Variants in ASB4 observed in about 807,000 individuals in gnomAD.
The protein encoded by ASB4 is ankyrin repeat and SOCS box containing 4.
A neutral mutation model predicts 38.6 loss-of-function variants in ASB4; 35 were observed. The observed-to-expected ratio is 0.91, with a 90% CI of 0.69 to 1.20. ASB4 has a LOEUF of 1.20. Ranked by LOEUF, ASB4 falls within the 50% of genes most tolerant of loss-of-function variation. The pLI, the probability that ASB4 is intolerant of heterozygous loss-of-function variation, is 0.00. For synonymous variants in ASB4, 195 were observed against 201.3 expected (o/e 0.97, Z 0.26); for missense variants, 557 against 527.2 (o/e 1.06, Z -0.55).
At chr7:95,515,810 G>C (rs1468945637) in intron 2 of ASB4, among the ~76,000 whole-genome samples, 1 of 152,214 alleles carries the variant, frequency 6.6e-6, no homozygotes. Flanking sequence ...GATGCTGGCT[G>C]CTCCAGAGAT....
chr7:95,528,769 T>A, intron 3 of ASB4: 1 of 875,692 alleles, frequency 1.1e-6, no homozygotes, highest in South Asian at 5.0e-5. Flanking sequence ...TTATATTTAT[T>A]ATGTATAATA....
intron 2 of ASB4, among the ~76,000 whole-genome samples, chr7:95,497,848 G>A (rs770087204): frequency 2.0e-5 from 3 of 152,114 alleles, no homozygotes; most frequent in African/African-American, 4.8e-5. Context: ...CCATATGGTT[G>A]CATGGACCAA....
the ASB4 span, among the ~76,000 whole-genome samples, chr7:95,547,708 T>C: frequency 2.0e-5 from 3 of 152,218 alleles, no homozygotes; most frequent in African/African-American, 7.2e-5. Flanking sequence ...TTTAAGTTAA[T>C]AGGTTTTGAG....
upstream of ASB4, among the ~76,000 whole-genome samples, chr7:95,477,736 T>A (rs972846610): frequency 2.4e-5 from 1 of 40,918 alleles, no homozygotes; most frequent in Non-Finnish European, 6.2e-5. Context: ...AACAAGAACC[T>A]TTTTTTTTTT....
chr7:95,500,985 C>T (rs1234750778), intron 2 of ASB4, among the ~76,000 whole-genome samples: 1 of 152,190 alleles, frequency 6.6e-6, no homozygotes, highest in Non-Finnish European at 1.5e-5. Context: ...CCACTCTTCA[C>T]ATTTACTCAT....
chr7:95,524,093 A>G (rs1444090165), intron 2 of ASB4, among the ~76,000 whole-genome samples: 1 of 152,210 alleles, frequency 6.6e-6, no homozygotes, highest in East Asian at 1.9e-4. Flanking sequence ...ATGAAGTTGA[A>G]GATATGCATA....
intron 2 of ASB4, among the ~76,000 whole-genome samples, chr7:95,503,531 G>A (rs1237963487): frequency 1.3e-5 from 2 of 152,308 alleles, no homozygotes; most frequent in African/African-American, 2.4e-5. Flanking sequence ...TGTGGTTCAT[G>A]GTTAATGAAA....
At chr7:95,485,738 C>T (rs1041762066), upstream of ASB4, among the ~76,000 whole-genome samples, 1 of 152,128 alleles carries the variant, frequency 6.6e-6, no homozygotes, top group South Asian at 2.1e-4. Context: ...CATATTGACA[C>T]TATATATTAC....
chr7:95,518,565 C>G (rs1404392969), intron 2 of ASB4, among the ~76,000 whole-genome samples: 1 of 152,130 alleles, frequency 6.6e-6, no homozygotes, highest in African/African-American at 2.4e-5. Context: ...CTGACTAAAT[C>G]CTAACCTAAG....
At chr7:95,520,511 T>C (rs1291900921) in intron 2 of ASB4, among the ~76,000 whole-genome samples, 1 of 152,222 alleles carries the variant, frequency 6.6e-6, no homozygotes, top group Admixed American at 6.5e-5. Flanking sequence ...TCTGGAACCA[T>C]AGTGACTGAA....
upstream of ASB4, among the ~76,000 whole-genome samples, chr7:95,477,249 A>G (rs1209905704): frequency 3.3e-5 from 5 of 152,144 alleles, no homozygotes; most frequent in Non-Finnish European, 7.3e-5. Context: ...CTCTCTAGAA[A>G]AACGTTTGTG....
In ASB4 at chr7:95,531,326, A is replaced by T. The variant is rs560205669; in HGVS notation, c.978+3023A>T. ...GACGTTAGCTCTAGAAGACAAAAAC[A>T]TCTACCTCTGTAATACAGCTCACTT... On this transcript the variant is annotated intron_variant, in intron 3 of 4. Coordinates refer to ENST00000325885, the MANE Select transcript of ASB4 (RefSeq NM_016116.3). Among the ~76,000 whole-genome samples, 3 of 152,210 alleles carry T rather than the reference A, an allele frequency of 2.0e-5. No homozygotes were observed. The East Asian group carries it at 5.8e-4, about 29-fold the overall frequency.
intron 2 of ASB4, among the ~76,000 whole-genome samples, chr7:95,503,085 A>G (rs17703998): frequency 0.18 from 27,109 of 152,226 alleles, 2,885 homozygotes; most frequent in Middle Eastern, 0.32. Flanking sequence ...TGCATATCAA[A>G]ATAATATTTA....
At chr7:95,503,726 A>G (rs968528836) in intron 2 of ASB4, among the ~76,000 whole-genome samples, 9 of 152,244 alleles carry the variant, frequency 5.9e-5, no homozygotes, top group African/African-American at 2.2e-4. Flanking sequence ...CATTAAGCTC[A>G]GGACCACAGA....
At chr7:95,515,163 CTTTCTCTT>C (rs1406186605) in intron 2 of ASB4, among the ~76,000 whole-genome samples, 25 of 129,836 alleles carry the variant, frequency 1.9e-4, no homozygotes, top group Middle Eastern at 4.2e-3. Flanking sequence ...CTTTCTTTCT[CTTTCTCTT>C]TCTTTCTTTC....
chr7:95,528,825 T>G, intron 3 of ASB4: 1 of 454,726 alleles, frequency 2.2e-6, no homozygotes, highest in Non-Finnish European at 2.9e-6. Context: ...CATTTAATTC[T>G]TACAACAATC....
intron 2 of ASB4, among the ~76,000 whole-genome samples, chr7:95,502,399 G>C (rs903006181): frequency 1.3e-4 from 19 of 150,148 alleles, no homozygotes; most frequent in African/African-American, 3.9e-4. Context: ...TGCGGGGGGG[G>C]GGCAAATTGA....
chr7:95,499,947 C>T (rs910819215), intron 2 of ASB4, among the ~76,000 whole-genome samples: 21 of 144,730 alleles, frequency 1.5e-4, no homozygotes, highest in African/African-American at 5.4e-4. Flanking sequence ...GATCTCGGCT[C>T]ACTGCAAGCT....
intron 2 of ASB4, among the ~76,000 whole-genome samples, chr7:95,517,517 G>A (rs1364170674): frequency 6.6e-6 from 1 of 151,972 alleles, no homozygotes; most frequent in Non-Finnish European, 1.5e-5. Context: ...CAAAAATTTA[G>A]GGAGTGAGAA....
Sources: gnomAD v4.1 joint callset for allele counts (sites outside exome capture counted in the v4.1 genomes callset) on GRCh38, gnomAD v4.1.1 for gene constraint, MANE v1.5 for transcripts, NCBI Gene and HGNC (gene_info 2026-07-23, HGNC 2026-07-21) for gene names.